Variants in FOXB1 observed in about 807,000 individuals in gnomAD.
FOXB1 encodes the protein forkhead box B1.
Under a neutral mutation model 18.6 loss-of-function variants are expected in FOXB1, and 6 were observed. The ratio of observed to expected loss-of-function variants is 0.32; its 90% CI spans 0.18 to 0.64. The LOEUF (loss-of-function observed/expected upper bound fraction) is 0.64. Among genes scored for constraint, FOXB1 ranks in the 30% least tolerant of loss-of-function variants. FOXB1 has a pLI of 0.78. For synonymous variants in FOXB1, 213 were observed against 216.0 expected (o/e 0.99, Z 0.12); for missense variants, 419 against 463.6 (o/e 0.90, Z 0.88).
Position 60,006,384 on chromosome 15 carries a change from T to G in FOXB1, c.*443T>G. 2.4e-5 allele frequency: 4 copies of G among 163,810 alleles called. No individual in the cohort carries two copies. Among genetic ancestry groups the G allele is most frequent in the Non-Finnish European group, 3.9e-5 (3 of 76,496 alleles). The allele number at this position is 163,810 out of a possible 1,614,324, so 10.1% of individuals were successfully genotyped here. The stretch of plus-strand genomic sequence containing the variant: ...AGGAACAGATCCCCCCCACACCCCC[T>G]CCCCGCGAGGGCTGCAACAGCGCAG... On this transcript the variant is annotated 3_prime_UTR_variant, in exon 2 of 2. Transcript: ENST00000396057.
rs1892080052 is a variant in FOXB1 at position 60,005,348 on chromosome 15, C to T, written c.385C>T (p.Leu129=). Residue 129 remains leucine (L), a synonymous_variant, in exon 2 of 2, where the codon CTG becomes TTG. Transcript: ENST00000396057. The surrounding 1 kb of genome is among the most constrained non-coding windows in gnomAD (Gnocchi z 9.8). The part of the protein sequence containing the change: ...PSKPADAAQY[L]QQQAKLRLSA... ...CAAGCCAGCCGACGCGGCGCAGTAC[C>T]TGCAGCAGCAGGCCAAGCTGCGGCT... 1 of 1,609,508 alleles carries T rather than the reference C, an allele frequency of 6.2e-7. No homozygotes were observed. The highest frequency in any genetic ancestry group is 1.1e-5 in the South Asian group (1 of 90,826).
At position 60,005,089 on chromosome 15, in the gene FOXB1, C is replaced by A; in HGVS notation, c.126C>A (p.Phe42Leu). 6.2e-7 allele frequency: 1 copy of A among 1,614,180 alleles called. No homozygotes were observed. The highest frequency in any genetic ancestry group is 8.5e-7 in the Non-Finnish European group (1 of 1,180,028). Residue 42 changes from phenylalanine (F) to leucine (L), a missense_variant, in exon 2 of 2, where the codon TTC becomes TTA. Phe to Leu is a conservative substitution (Grantham distance 22). Around this residue, in one of 3 missense-constraint regions of FOXB1, gnomAD observed 153 missense variants for 173.8 expected, o/e 0.88. Coordinates refer to ENST00000396057, the MANE Select transcript of FOXB1 (RefSeq NM_012182.3). The surrounding 1 kb of genome is among the most constrained non-coding windows in gnomAD (Gnocchi z 9.8). Reference protein sequence around the residue: ...KMLPLSEIYKFIMDRFPYYRE... With the variant: ...KMLPLSEIYKLIMDRFPYYRE... ...TGCCGCTGAGCGAGATCTACAAGTT[C>A]ATCATGGACCGCTTCCCCTACTACA...
rs1445723776 is a variant in FOXB1, at chr15:60,005,789, C to T, written c.826C>T (p.Leu276=). ...GGCCGCCGTGCCCGCGCTGCCTGCGCTGCCAGCGCCCATCCCCACCTTGCT... is the reference window on the plus strand; with the variant it reads ...GGCCGCCGTGCCCGCGCTGCCTGCGTTGCCAGCGCCCATCCCCACCTTGCT... ...TPAAVPALPA[L]PAPIPTLLSN... Residue 276 remains leucine (L), a synonymous_variant, in exon 2 of 2, where the codon CTG becomes TTG. Transcript: ENST00000396057. The surrounding 1 kb of genome is among the most constrained non-coding windows in gnomAD (Gnocchi z 9.8). 1.2e-6 allele frequency: 2 copies of T among 1,604,336 alleles called. No homozygotes were observed. Among genetic ancestry groups the T allele is most frequent in the Non-Finnish European group, 8.5e-7 (1 of 1,177,338 alleles).
In FOXB1 at chr15:60,007,058, C is replaced by A. The variant is rs560956529; in HGVS notation, c.*1117C>A. On this transcript the variant is annotated 3_prime_UTR_variant, in exon 2 of 2. Transcript: ENST00000396057. ...ATAGCTCTCCCACGGACAAGTCTTT[C>A]TGTTTGCTACCAGAACTTTTCCAAG... is the stretch of plus-strand genomic sequence containing the variant. The A allele has an allele frequency of 6.6e-6, 1 of 152,222 alleles. No homozygotes were observed. Among genetic ancestry groups the A allele is most frequent in the African/African-American group, 2.4e-5 (1 of 41,534 alleles). The allele number at this position is 152,222 out of a possible 1,614,324, so 9.4% of individuals were successfully genotyped here. A position where few individuals can be genotyped will look rare whatever the true frequency, so the allele number is the denominator to read the frequency against.
At position 60,005,290 on chromosome 15, in the gene FOXB1, C is replaced by A; in HGVS notation, c.327C>A (p.Phe109Leu). Residue 109 changes from phenylalanine (F) to leucine (L), a missense_variant, in exon 2 of 2, where the codon TTC becomes TTA. Around this residue, in one of 3 missense-constraint regions of FOXB1, gnomAD observed 153 missense variants for 173.8 expected, o/e 0.88. Coordinates refer to ENST00000396057, the MANE Select transcript of FOXB1 (RefSeq NM_012182.3). The surrounding 1 kb of genome is among the most constrained non-coding windows in gnomAD (Gnocchi z 9.8). Reference protein sequence around the residue: ...NGSFLRRRKRFKVLKSDHLAP... With the variant: ...NGSFLRRRKRLKVLKSDHLAP... ...GCTTCCTGCGGCGCCGCAAGCGCTT[C>A]AAGGTGCTTAAGTCCGACCACCTGG... 1 of 1,613,364 alleles carries A rather than the reference C, an allele frequency of 6.2e-7. No individual in the cohort carries two copies.
chr15:60,006,192 C>G lies in FOXB1; in HGVS notation c.*251C>G. 5.9e-6 allele frequency: 3 copies of G among 506,526 alleles called. No individual in the cohort carries two copies. The highest frequency in any genetic ancestry group is 3.4e-5 in the South Asian group (1 of 29,134). 31.4% of individuals were successfully genotyped at this position (506,526 alleles called of 1,614,324 possible). ...CAAGGAAGGCCGGGGCCACCTGAGC[C>G]GAACCATCCCCTCCCTGAGGCCCCG... On this transcript the variant is annotated 3_prime_UTR_variant, in exon 2 of 2. Transcript: ENST00000396057.
In FOXB1 at chr15:60,005,914, C is replaced by T. The variant is rs887806872; in HGVS notation, c.951C>T (p.Ser317=). Residue 317 remains serine, a synonymous_variant, in exon 2 of 2, where the codon TCC becomes TCT. Coordinates refer to ENST00000396057, the MANE Select transcript of FOXB1 (RefSeq NM_012182.3). The surrounding 1 kb of genome is among the most constrained non-coding windows in gnomAD (Gnocchi z 9.8). ...TPSETLTSPA[S]ALHSVAVH The stretch of plus-strand genomic sequence containing the variant: ...GCGAAACGCTCACCAGCCCGGCCTC[C>T]GCCTTGCACTCGGTGGCGGTGCACT... The T allele has an allele frequency of 3.1e-6, 5 of 1,591,668 alleles. No individual in the cohort carries two copies. Among genetic ancestry groups the T allele is most frequent in the Non-Finnish European group, 4.3e-6 (5 of 1,173,312 alleles).
chr15:60,006,721 G>A lies in FOXB1; in HGVS notation c.*780G>A, dbSNP rs1892104116. On this transcript the variant is annotated 3_prime_UTR_variant, in exon 2 of 2. Transcript: ENST00000396057. ...CAAAGCGCCCAGTAATATGTAAACA[G>A]TGAACTTGAATCTGTCTTGCTAGGC... The A allele has an allele frequency of 6.6e-6, 1 of 152,200 alleles. No individual in the cohort carries two copies. The highest frequency in any genetic ancestry group is 2.1e-4 in the South Asian group (1 of 4,834). 9.4% of individuals were successfully genotyped at this position (152,200 alleles called of 1,614,324 possible).
At position 60,006,731 on chromosome 15, in the gene FOXB1, A is replaced by C. The variant is rs1892104214; in HGVS notation, c.*790A>C. 1 of 152,220 alleles carries C rather than the reference A, an allele frequency of 6.6e-6. No homozygotes were observed. The highest frequency in any genetic ancestry group is 2.4e-5 in the African/African-American group (1 of 41,456). 9.4% of individuals were successfully genotyped at this position (152,220 alleles called of 1,614,324 possible). ...AGTAATATGTAAACAGTGAACTTGA[A>C]TCTGTCTTGCTAGGCGGACGAACGG... is the stretch of plus-strand genomic sequence containing the variant. On this transcript the variant is annotated 3_prime_UTR_variant, in exon 2 of 2. Coordinates refer to ENST00000396057, the MANE Select transcript of FOXB1 (RefSeq NM_012182.3).
In FOXB1 at chr15:60,006,894, G is replaced by T. The variant is rs1892106178; in HGVS notation, c.*953G>T. The T allele has an allele frequency of 7.2e-6, 1 of 139,732 alleles. No individual in the cohort carries two copies. The allele number at this position is 139,732 out of a possible 1,614,324, so 8.7% of individuals were successfully genotyped here. On this transcript the variant is annotated 3_prime_UTR_variant, in exon 2 of 2. Transcript: ENST00000396057. ...TTCCGATGACTTAGAGACCTTTTTA[G>T]CTATTTATTTTATTGTTGGGAAAAA...
Position 60,005,151 on chromosome 15 carries a change from ACAACCTCTCCTT to A in FOXB1, c.193_204del (p.Leu65_Asn68del). ...CAGCGCTGGCAGAACAGTCTGCGCC[ACAACCTCTCCTT>A]CAACGACTGCTTCATCAAGATCCCG... is the stretch of plus-strand genomic sequence containing the variant. On this transcript the variant is annotated inframe_deletion, in exon 2 of 2. Transcript: ENST00000396057. This position sits in a 1 kb window ranked among gnomAD's most constrained non-coding sequence, Gnocchi z 9.8. 6.2e-7 allele frequency: 1 copy of A among 1,614,190 alleles called. No homozygotes were observed. Among genetic ancestry groups the A allele is most frequent in the South Asian group, 1.1e-5 (1 of 91,088 alleles).
rs1286947957 is a variant in FOXB1, at chr15:60,005,977, C to G, written c.*36C>G. The G allele has an allele frequency of 6.5e-6, 10 of 1,534,652 alleles. No homozygotes were observed. The highest frequency in any genetic ancestry group is 8.7e-6 in the Non-Finnish European group (10 of 1,144,336). ...CCCACGCCCCCTCTCGTTCTCCTCC[C>G]CACCACCTCACTCGCCTTCCCTGGC... is the stretch of plus-strand genomic sequence containing the variant. On this transcript the variant is annotated 3_prime_UTR_variant, in exon 2 of 2. Coordinates refer to ENST00000396057, the MANE Select transcript of FOXB1 (RefSeq NM_012182.3). The surrounding 1 kb of genome is among the most constrained non-coding windows in gnomAD (Gnocchi z 9.8).
In FOXB1 at chr15:60,005,631, G is replaced by C; in HGVS notation, c.668G>C (p.Gly223Ala). ...TGWPHVYGSA[G>A]MIDSATPISM... Reference sequence around the variant, plus strand: ...TGGCCACACGTGTATGGCTCCGCCGGCATGATCGACTCGGCCACCCCCATC... The same window carrying C: ...TGGCCACACGTGTATGGCTCCGCCGCCATGATCGACTCGGCCACCCCCATC... The change falls in exon 2 of 2, where the codon GGC becomes GCC. Residue 223 changes from glycine (G) to alanine (A), a missense_variant. This residue lies in a region of FOXB1 where 195 missense variants were observed against 179.8 expected (regional missense o/e 1.08). Transcript: ENST00000396057. This position sits in a 1 kb window ranked among gnomAD's most constrained non-coding sequence, Gnocchi z 9.8. The C allele has an allele frequency of 1.9e-6, 3 of 1,608,126 alleles. No individual in the cohort carries two copies. Among genetic ancestry groups the C allele is most frequent in the Non-Finnish European group, 2.5e-6 (3 of 1,178,392 alleles).
In FOXB1 at chr15:60,005,053, C is replaced by T; in HGVS notation, c.90C>T (p.Pro30=). 6.2e-7 allele frequency: 1 copy of T among 1,606,200 alleles called. No homozygotes were observed. Among genetic ancestry groups the T allele is most frequent in the Non-Finnish European group, 8.5e-7 (1 of 1,176,954 alleles). ...CCGCTATGGCCATCCAGAGCTCTCCCGAGAAGATGCTGCCGCTGAGCGAGA... is the reference window on the plus strand; with the variant it reads ...CCGCTATGGCCATCCAGAGCTCTCCTGAGAAGATGCTGCCGCTGAGCGAGA... ...SLTAMAIQSS[P]EKMLPLSEIY... Residue 30 remains proline (P), a synonymous_variant, in exon 2 of 2, where the codon CCC becomes CCT. Transcript: ENST00000396057. The surrounding 1 kb of genome is among the most constrained non-coding windows in gnomAD (Gnocchi z 9.8).
At position 60,005,629 on chromosome 15, in the gene FOXB1, C is replaced by T. The variant is rs552297299; in HGVS notation, c.666C>T (p.Ala222=). 3.7e-6 allele frequency: 6 copies of T among 1,608,366 alleles called. No homozygotes were observed. Among genetic ancestry groups the T allele is most frequent in the Non-Finnish European group, 4.2e-6 (5 of 1,178,468 alleles). Residue 222 remains alanine (A), a synonymous_variant, in exon 2 of 2, where the codon GCC becomes GCT. Transcript: ENST00000396057. The surrounding 1 kb of genome is among the most constrained non-coding windows in gnomAD (Gnocchi z 9.8). ...GCTGGCCACACGTGTATGGCTCCGC[C>T]GGCATGATCGACTCGGCCACCCCCA... The part of the protein sequence containing the change: ...GTGWPHVYGS[A]GMIDSATPIS...
chr15:60,005,974 TC>T lies in FOXB1; in HGVS notation c.*37del. ...GAGCCCACGCCCCCTCTCGTTCTCC[TC>T]CCCACCACCTCACTCGCCTTCCCTG... On this transcript the variant is annotated 3_prime_UTR_variant, in exon 2 of 2. Transcript: ENST00000396057. This position sits in a 1 kb window ranked among gnomAD's most constrained non-coding sequence, Gnocchi z 9.8. The T allele has an allele frequency of 6.5e-7, 1 of 1,538,422 alleles. No homozygotes were observed. The highest frequency in any genetic ancestry group is 8.7e-7 in the Non-Finnish European group (1 of 1,146,354).
chr15:60,005,491 C>A lies in FOXB1; in HGVS notation c.528C>A (p.Ile176=). 6.2e-7 allele frequency: 1 copy of A among 1,612,026 alleles called. No individual in the cohort carries two copies. Among genetic ancestry groups the A allele is most frequent in the Non-Finnish European group, 8.5e-7 (1 of 1,179,670 alleles). ...ACCCCTTCGCCATCGAGAACATCAT[C>A]GCGCGGGAATACAAGATGCCTGGGG... ...FKHPFAIENI[I]AREYKMPGGL... is the part of the protein sequence containing the mutation. The change falls in exon 2 of 2, where the codon ATC becomes ATA. Residue 176 remains isoleucine (I), a synonymous_variant. Transcript: ENST00000396057. This position sits in a 1 kb window ranked among gnomAD's most constrained non-coding sequence, Gnocchi z 9.8.
Position 60,005,631 on chromosome 15 carries a change from G to T in FOXB1, c.668G>T (p.Gly223Val), listed in dbSNP as rs867431360. ...TGWPHVYGSAGMIDSATPISM... is the reference protein window; with the variant it reads ...TGWPHVYGSAVMIDSATPISM... The stretch of plus-strand genomic sequence containing the variant: ...TGGCCACACGTGTATGGCTCCGCCG[G>T]CATGATCGACTCGGCCACCCCCATC... The change falls in exon 2 of 2, where the codon GGC (glycine) becomes GTC (valine). Residue 223 changes from glycine (G) to valine (V), a missense_variant. Around this residue, in one of 3 missense-constraint regions of FOXB1, gnomAD observed 195 missense variants for 179.8 expected, o/e 1.08. Coordinates refer to ENST00000396057, the MANE Select transcript of FOXB1 (RefSeq NM_012182.3). The surrounding 1 kb of genome is among the most constrained non-coding windows in gnomAD (Gnocchi z 9.8). 1.2e-6 allele frequency: 2 copies of T among 1,608,008 alleles called. No homozygotes were observed. The highest frequency in any genetic ancestry group is 1.7e-6 in the Non-Finnish European group (2 of 1,178,400).
chr15:60,006,205 C>T lies in FOXB1; in HGVS notation c.*264C>T. ...GGCCACCTGAGCCGAACCATCCCCT[C>T]CCTGAGGCCCCGAAACCCCCTCCTA... On this transcript the variant is annotated 3_prime_UTR_variant, in exon 2 of 2. Transcript: ENST00000396057. 2.1e-6 allele frequency: 1 copy of T among 473,726 alleles called. No individual in the cohort carries two copies. 29.3% of individuals were successfully genotyped at this position (473,726 alleles called of 1,614,324 possible).
Sources: gnomAD v4.1 joint callset for allele counts on GRCh38, gnomAD v4.1.1 for gene constraint, gnomAD v4.1.1 regional missense constraint, Gnocchi (gnomAD v3.1) non-coding constraint, MANE v1.5 for transcripts, NCBI Gene and HGNC (gene_info 2026-07-23, HGNC 2026-07-21) for gene names.